WWTR1: variants seen among roughly 807,000 people sequenced by gnomAD.
The protein encoded by WWTR1 is WW domain containing transcription regulator 1.
In WWTR1, 13 loss-of-function variants were observed where a neutral mutation model predicts 40.1. The ratio of observed to expected loss-of-function variants is 0.32; its 90% CI spans 0.21 to 0.52. The LOEUF (loss-of-function observed/expected upper bound fraction) is 0.52, where lower values mean the gene tolerates loss of function less well. WWTR1 is among the 20% of genes least tolerant of loss of function. WWTR1 has a pLI of 0.97. For missense variants in WWTR1, 436 were observed against 523.1 expected (o/e 0.83, Z 1.63); for synonymous variants, 230 against 210.1 (o/e 1.09, Z -0.82).
intron 5 of WWTR1, among the ~76,000 whole-genome samples, chr3:149,709,836 G>A (rs375971065): frequency 1.3e-5 from 2 of 152,162 alleles, no homozygotes; most frequent in Admixed American, 6.5e-5. Flanking sequence ...CCTGGCAGGC[G>A]GAGGTTGCAG....
At chr3:149,568,918 C>T (rs915563867) in intron 3 of WWTR1, among the ~76,000 whole-genome samples, 1 of 152,196 alleles carries the variant, frequency 6.6e-6, no homozygotes, top group African/African-American at 2.4e-5. Flanking sequence ...AGGCGCCCGC[C>T]ACCACACCCA....
At chr3:149,659,177 G>A (rs1713447588), upstream of WWTR1, among the ~76,000 whole-genome samples, 1 of 152,076 alleles carries the variant, frequency 6.6e-6, no homozygotes, top group African/African-American at 2.4e-5. Context: ...ATTCCAGGAA[G>A]CCCCTACTCC....
intron 2 of WWTR1, among the ~76,000 whole-genome samples, chr3:149,624,330 G>T (rs1740451441): frequency 6.6e-6 from 1 of 152,232 alleles, no homozygotes; most frequent in Non-Finnish European, 1.5e-5. Flanking sequence ...AAGAGGCAGA[G>T]AGATGAGAAG....
chr3:149,523,785 C>A (rs1375476079), intron 6 of WWTR1, among the ~76,000 whole-genome samples: 2 of 152,200 alleles, frequency 1.3e-5, no homozygotes, highest in Non-Finnish European at 2.9e-5. Flanking sequence ...TCTGCCTGCC[C>A]CCACAGCTTC....
chr3:149,568,554 AAAAAAAC>A lies in WWTR1; in HGVS notation c.568+4303_568+4309del, dbSNP rs1560064521. On this transcript the variant is annotated intron_variant, in intron 3 of 6. Transcript: ENST00000360632. ...AAAAAAAAAAAAAAAAAAAAAAAAA[AAAAAAAC>A]CATATTTTTGCAATTTTCCCCTTCA... Among the ~76,000 whole-genome samples, 13 of 145,082 alleles carry A rather than the reference AAAAAAAC, an allele frequency of 9.0e-5. No individual in the cohort carries two copies. In the East Asian group the frequency reaches 1.1e-3, roughly 12 times the overall value.
chr3:149,609,060 C>T (rs1236577796), intron 2 of WWTR1, among the ~76,000 whole-genome samples: 5 of 152,012 alleles, frequency 3.3e-5, no homozygotes, highest in African/African-American at 1.2e-4. Context: ...CAAAGTGAGA[C>T]CTTGTCTCAA....
chr3:149,615,008 A>G (rs914713150), intron 2 of WWTR1, among the ~76,000 whole-genome samples: 1 of 152,132 alleles, frequency 6.6e-6, no homozygotes, highest in Non-Finnish European at 1.5e-5. Flanking sequence ...AGCTTAGGTG[A>G]TGGTTACAGG....
chr3:149,587,483 T>C (rs1738484144), intron 2 of WWTR1, among the ~76,000 whole-genome samples: 1 of 152,288 alleles, frequency 6.6e-6, no homozygotes, highest in African/African-American at 2.4e-5. Context: ...TTTATGGAGC[T>C]GCTGATGGTC....
intron 1 of WWTR1, among the ~76,000 whole-genome samples, chr3:149,686,437 T>C (rs1446839751): frequency 6.6e-6 from 1 of 152,162 alleles, no homozygotes; most frequent in Non-Finnish European, 1.5e-5. Context: ...GAGGATCCCT[T>C]GAGGCCAGGA....
chr3:149,601,457 C>T (rs1056345709), intron 2 of WWTR1, among the ~76,000 whole-genome samples: 6 of 152,176 alleles, frequency 3.9e-5, no homozygotes, highest in African/African-American at 1.2e-4. Context: ...CTCAGCCTCC[C>T]AAAATGCTGG....
chr3:149,581,780 C>G (rs982348334), intron 2 of WWTR1, among the ~76,000 whole-genome samples: 9 of 152,180 alleles, frequency 5.9e-5, no homozygotes, highest in Non-Finnish European at 1.3e-4. Context: ...GCACAGCAGC[C>G]ATGTGAAAGG....
At position 149,523,065 on chromosome 3, in the gene WWTR1, TAA is replaced by T. The variant is rs35874540; in HGVS notation, c.1019-2078_1019-2077del. ...TGGGTGACAGAATGAGACCCCGTAT[TAA>T]AAAAAAAAAAAAAAATTACTCTTAT... On this transcript the variant is annotated intron_variant, in intron 6 of 6. Coordinates refer to ENST00000360632, the MANE Select transcript of WWTR1 (RefSeq NM_015472.6). 2.8e-3 allele frequency among the ~76,000 whole-genome samples: 395 copies of T among 141,602 alleles called. 2 individuals are homozygous for T. The highest frequency in any genetic ancestry group is 8.0e-3 in the African/African-American group (304 of 38,160). 92.9% of individuals were successfully genotyped at this position (141,602 alleles called of 152,430 possible).
intron 3 of WWTR1, among the ~76,000 whole-genome samples, chr3:149,547,817 T>C (rs2107948362): frequency 6.6e-6 from 1 of 150,586 alleles, no homozygotes; most frequent in Non-Finnish European, 1.5e-5. Flanking sequence ...CATCTCCTTT[T>C]CCCTTTTTCT....
intron 3 of WWTR1, among the ~76,000 whole-genome samples, chr3:149,566,398 T>G (rs1737331384): frequency 6.6e-6 from 1 of 152,158 alleles, no homozygotes; most frequent in Non-Finnish European, 1.5e-5. Context: ...ATGGGTATTT[T>G]TTTGTTTGTT....
In WWTR1 at chr3:149,590,271, G is replaced by A. The variant is rs80297083; in HGVS notation, c.432-17271C>T. 2.2e-4 allele frequency among the ~76,000 whole-genome samples: 34 copies of A among 152,134 alleles called. No individual in the cohort carries two copies. In the East Asian group the frequency reaches 6.6e-3, roughly 29 times the overall value. On this transcript the variant is annotated intron_variant, in intron 2 of 6. Transcript: ENST00000360632. ...ATGCTGTTAATGTCTGATAATAATA[G>A]TTGACATTTATATACCATTTTATGG...
intron 3 of WWTR1, among the ~76,000 whole-genome samples, chr3:149,543,244 T>G (rs900311705): frequency 1.4e-4 from 21 of 152,226 alleles, no homozygotes; most frequent in African/African-American, 4.8e-4. Flanking sequence ...TTTAAAATGC[T>G]CTATTTATCT....
intron 1 of WWTR1, among the ~76,000 whole-genome samples, chr3:149,685,183 T>G (rs1008307659): frequency 3.3e-5 from 5 of 152,184 alleles, no homozygotes; most frequent in Non-Finnish European, 5.9e-5. Flanking sequence ...ACCAGAACTC[T>G]CAGGACAAAG....
At chr3:149,719,061 A>C (rs1011497227) in intron 4 of WWTR1, among the ~76,000 whole-genome samples, 2 of 151,178 alleles carry the variant, frequency 1.3e-5, no homozygotes, top group African/African-American at 4.9e-5. Flanking sequence ...CCTGACCTCA[A>C]GTGATCTGCC....
chr3:149,622,502 G>GAAAAGAAAGAAAGAAAGAAAGAAAAGA (rs1553800284), intron 2 of WWTR1, among the ~76,000 whole-genome samples: 2 of 46,298 alleles, frequency 4.3e-5, no homozygotes, highest in African/African-American at 1.6e-4. Context: ...AGGAAGGAAG[G>GAAAAGAAAGAAAGAAAGAAAGAAAAGA]AAGAAAGAAA....
Sources: gnomAD v4.1 joint callset for allele counts (sites outside exome capture counted in the v4.1 genomes callset) on GRCh38, gnomAD v4.1.1 for gene constraint, MANE v1.5 for transcripts, NCBI Gene and HGNC (gene_info 2026-07-23, HGNC 2026-07-21) for gene names.